Variants in ZNF730 observed in about 807,000 individuals in gnomAD.
ZNF730 encodes the protein putative zinc finger protein 730.
A neutral mutation model predicts 12.6 loss-of-function variants in ZNF730; 12 were observed. The ratio of observed to expected loss-of-function variants is 0.95; its 90% confidence interval spans 0.61 to 1.54. The LOEUF (loss-of-function observed/expected upper bound fraction) is 1.54, where lower values mean the gene tolerates loss of function less well. Among genes scored for constraint, ZNF730 ranks in the 40% most tolerant of loss-of-function variants. The pLI, the probability that ZNF730 is intolerant of heterozygous loss-of-function variation, is 0.00. For missense variants in ZNF730, 643 were observed against 583.5 expected (o/e 1.10, Z -1.05); for synonymous variants, 194 against 195.8 (o/e 0.99, Z 0.08).
At chr19:23,141,797 T>C (rs1970924903) in intron 3 of ZNF730, among the ~76,000 whole-genome samples, 1 of 152,194 alleles carries the variant, frequency 6.6e-6, no homozygotes, top group African/African-American at 2.4e-5. Context: ...CTATGAGCTA[T>C]TGATAAAAGT....
intron 1 of ZNF730, among the ~76,000 whole-genome samples, chr19:23,109,349 C>A (rs1333250369): frequency 1.3e-5 from 2 of 151,828 alleles, no homozygotes; most frequent in Admixed American, 1.3e-4. Flanking sequence ...CTGCCTCAGT[C>A]TCTCAAGTAG....
In ZNF730 at chr19:23,146,205, G is replaced by GAT; in HGVS notation, c.1163_1164dup (p.Ile389Ter). 2 of 1,609,898 alleles carry GAT rather than the reference G, an allele frequency of 1.2e-6. No homozygotes were observed. The highest frequency in any genetic ancestry group is 1.7e-6 in the Non-Finnish European group (2 of 1,177,876). On this transcript the variant is annotated frameshift_variant, in exon 4 of 4. Transcript: ENST00000597761. LOFTEE classifies it low-confidence loss of function (END_TRUNC). ...AATCCTCAACTCTTACTATACATAAGATAATTCATACTGTAGAGAAATTTT... is the reference window on the plus strand; with the variant it reads ...AATCCTCAACTCTTACTATACATAAGATATAATTCATACTGTAGAGAAATTTT...
At chr19:23,078,192 G>C (rs1243738457) in intron 1 of ZNF730, among the ~76,000 whole-genome samples, 1 of 152,142 alleles carries the variant, frequency 6.6e-6, no homozygotes, top group African/African-American at 2.4e-5. Context: ...TAGTAAAAGA[G>C]GAAGACCTCT....
Position 23,129,974 on chromosome 19 carries a change from C to T in ZNF730, c.4-4106C>T, listed in dbSNP as rs1387066564. Among the ~76,000 whole-genome samples, 3 of 139,626 alleles carry T rather than the reference C, an allele frequency of 2.1e-5. No homozygotes were observed. The East Asian group carries it at 6.4e-4, about 30-fold the overall frequency. The allele number at this position is 139,626 out of a possible 152,430, so 91.6% of individuals were successfully genotyped here. A position where few individuals can be genotyped will look rare whatever the true frequency, so the allele number is the denominator to read the frequency against. ...GTGCCACTGCACTCCAGCCTGGGTG[C>T]TGGAGCGAGACTCCGCCTCAAAAAA... is the stretch of plus-strand genomic sequence containing the variant. On this transcript the variant is annotated intron_variant, in intron 1 of 3. Transcript: ENST00000597761.
rs570474455 is a variant in ZNF730 at position 23,119,841 on chromosome 19, A to AAAC, written c.3+2666_3+2667insACA. Among the ~76,000 whole-genome samples the AAAC allele has an allele frequency of 5.6e-4, 85 of 152,172 alleles. No individual in the cohort carries two copies. In the East Asian group the frequency reaches 0.015, roughly 28 times the overall value. ...AAAAATAAATAAATAAATAAATAAA[A>AAAC]AGAATGATGCTGCTTTTATATAATG... On this transcript the variant is annotated intron_variant, in intron 1 of 3. Coordinates refer to ENST00000597761, the MANE Select transcript of ZNF730 (RefSeq NM_001277403.2).
chr19:23,075,695 G>A (rs145881760), intron 1 of ZNF730, among the ~76,000 whole-genome samples: 9 of 152,292 alleles, frequency 5.9e-5, no homozygotes, highest in Middle Eastern at 3.4e-3. Context: ...CTAGGTGTGT[G>A]CGTGGGAGGA....
intron 1 of ZNF730, chr19:23,127,644 G>A (rs1970687056): frequency 8.9e-7 from 1 of 1,120,648 alleles, no homozygotes; most frequent in Admixed American, 1.7e-5. Context: ...CTCTTTGTGT[G>A]AATGGTGAAT....
chr19:23,078,801 G>A (rs1969911945), intron 1 of ZNF730, among the ~76,000 whole-genome samples: 1 of 152,072 alleles, frequency 6.6e-6, no homozygotes, highest in African/African-American at 2.4e-5. Context: ...TGCAATTTAA[G>A]ACAATTATCT....
At chr19:23,138,463 T>C (rs184107411) in intron 3 of ZNF730, among the ~76,000 whole-genome samples, 2 of 152,268 alleles carry the variant, frequency 1.3e-5, no homozygotes, top group African/African-American at 2.4e-5. Context: ...CAGTCTTGTC[T>C]GTGTGGCTAT....
intron 1 of ZNF730, among the ~76,000 whole-genome samples, chr19:23,109,741 G>A (rs1191799075): frequency 6.6e-6 from 1 of 151,976 alleles, no homozygotes; most frequent in Non-Finnish European, 1.5e-5. Flanking sequence ...TAAAGACAAG[G>A]TTTCACCATG....
intron 1 of ZNF730, among the ~76,000 whole-genome samples, chr19:23,129,796 A>C (rs532270074): frequency 4.6e-5 from 7 of 152,040 alleles, no homozygotes; most frequent in Admixed American, 1.3e-4. Context: ...GATTGAGACC[A>C]TCCTGGCTAA....
intron 1 of ZNF730, among the ~76,000 whole-genome samples, chr19:23,106,902 C>G (rs1970398435): frequency 6.6e-6 from 1 of 151,294 alleles, no homozygotes; most frequent in Non-Finnish European, 1.5e-5. Flanking sequence ...AAACTGTATT[C>G]TTGTTGTTTT....
At chr19:23,116,292 A>T (rs934475672), upstream of ZNF730, among the ~76,000 whole-genome samples, 5 of 115,176 alleles carry the variant, frequency 4.3e-5, no homozygotes. Flanking sequence ...ACCTGTGGTT[A>T]TTCTGCTTTT....
At chr19:23,086,619 G>A (rs1374910977) in intron 1 of ZNF730, among the ~76,000 whole-genome samples, 1 of 152,022 alleles carries the variant, frequency 6.6e-6, no homozygotes, top group African/African-American at 2.4e-5. Context: ...TTAATTTCTG[G>A]CCCTCTATTC....
At chr19:23,115,688 ACC>A (rs1410083481), upstream of ZNF730, among the ~76,000 whole-genome samples, 175 of 28,360 alleles carry the variant, frequency 6.2e-3, no homozygotes, top group Non-Finnish European at 0.015. Flanking sequence ...GCAGAAGCTC[ACC>A]CCCAGAAGCA....
intron 1 of ZNF730, chr19:23,128,468 C>T: frequency 3.0e-6 from 1 of 329,086 alleles, no homozygotes; most frequent in Non-Finnish European, 5.8e-6. Context: ...CCCAAAATGT[C>T]CCTTGCTCAA....
intron 1 of ZNF730, chr19:23,123,630 T>G (rs1185138900): frequency 7.6e-5 from 8 of 105,710 alleles, no homozygotes; most frequent in Admixed American, 5.5e-4. Flanking sequence ...CATGCCTTTT[T>G]TTTTCATAAT....
intron 1 of ZNF730, among the ~76,000 whole-genome samples, chr19:23,119,392 A>T (rs1970570674): frequency 6.6e-6 from 1 of 152,236 alleles, no homozygotes; most frequent in Non-Finnish European, 1.5e-5. Flanking sequence ...CTACTTGATC[A>T]TAGTGGATTA....
chr19:23,095,570 A>G (rs1011746461), intron 1 of ZNF730: 1 of 397,046 alleles, frequency 2.5e-6, no homozygotes, highest in Middle Eastern at 6.3e-4. Flanking sequence ...ACATTGTGAC[A>G]TGTCACTGGG....
Sources: allele counts gnomAD v4.1 joint callset (sites outside exome capture counted in the v4.1 genomes callset), GRCh38; gene constraint gnomAD v4.1.1; transcripts MANE v1.5; gene names NCBI Gene and HGNC (gene_info 2026-07-23, HGNC 2026-07-21).